The following TVP23B variants were observed in gnomAD, a reference collection of about 807,000 sequenced individuals.
The protein encoded by TVP23B is Golgi apparatus membrane protein TVP23 homolog B.
In TVP23B, 10 loss-of-function variants were observed where a neutral mutation model predicts 30.6. That is an observed-to-expected ratio of 0.33 (90% CI 0.20 to 0.55). TVP23B has a LOEUF of 0.55. TVP23B is among the 20% of genes least tolerant of loss of function. The pLI, the probability that TVP23B is intolerant of heterozygous loss-of-function variation, is 0.91. For missense variants in TVP23B, 153 were observed against 243.2 expected, an observed-to-expected ratio of 0.63 and a Z score of 2.47; for synonymous variants, 67 against 83.1, an observed-to-expected ratio of 0.81 and a Z score of 1.06.
chr17:18,795,734 C>G (rs1402623090), intron 3 of TVP23B: 3 of 152,176 alleles, frequency 2.0e-5, no homozygotes, highest in Non-Finnish European at 2.9e-5. Flanking sequence ...GTTTCACTTT[C>G]TGCGGTTTCA....
chr17:18,802,095 A>G (rs539695564), intron 5 of TVP23B, among the ~76,000 whole-genome samples: 168 of 152,096 alleles, frequency 1.1e-3, no homozygotes, highest in Middle Eastern at 3.4e-3. Flanking sequence ...GGTGGCAGGC[A>G]CCTGTAGTCC....
chr17:18,798,672 G>A (rs1436535206), intron 4 of TVP23B, 140 bp from the exon 5 acceptor site: 11 of 1,169,812 alleles, frequency 9.4e-6, no homozygotes, highest in Non-Finnish European at 1.3e-5. Flanking sequence ...TGATAGTCAT[G>A]TATTTTTGGG....
At chr17:18,800,121 G>T (rs2589683) in intron 5 of TVP23B, among the ~76,000 whole-genome samples, 32,665 of 151,284 alleles carry the variant, frequency 0.22, 4,023 homozygotes, top group East Asian at 0.55. Context: ...CTAGAGTTTT[G>T]CTTATTATAG....
intron 1 of TVP23B, among the ~76,000 whole-genome samples, chr17:18,784,111 C>A (rs894652313): frequency 1.3e-5 from 2 of 151,782 alleles, no homozygotes; most frequent in East Asian, 3.9e-4. Context: ...CGCCACTGCA[C>A]TCCAGCCTGG....
intron 2 of TVP23B, 121 bp downstream of exon 2, chr17:18,789,556 T>A: frequency 4.6e-6 from 6 of 1,314,764 alleles, no homozygotes; most frequent in Non-Finnish European, 6.3e-6. Context: ...TACTGCATGT[T>A]GCTAATTTGA....
intron 1 of TVP23B, among the ~76,000 whole-genome samples, chr17:18,788,606 ACC>A (rs1725022103): frequency 2.7e-5 from 4 of 150,892 alleles, no homozygotes; most frequent in African/African-American, 9.7e-5. Flanking sequence ...ACATGGTGAA[ACC>A]CCGTCTCAAC....
chr17:18,802,856 GC>G (rs2036190629), intron 5 of TVP23B, among the ~76,000 whole-genome samples: 1 of 152,030 alleles, frequency 6.6e-6, no homozygotes, highest in Non-Finnish European at 1.5e-5. Flanking sequence ...ACCCAGCAGT[GC>G]CCCATTTGAG....
chr17:18,798,809 T>C lies in TVP23B; in HGVS notation c.331-3T>C, dbSNP rs374524560. 1 of 1,600,744 alleles carries C rather than the reference T, an allele frequency of 6.2e-7. No homozygotes were observed. Among genetic ancestry groups the C allele is most frequent in the African/African-American group, 1.3e-5 (1 of 74,118 alleles). ...TGATAATTGAATTTATGTTCTTTTA[T>C]AGGAGTCCTCTCAAGAGAATAAAAC... On this transcript the variant is annotated splice_region_variant and splice_polypyrimidine_tract_variant and intron_variant, in intron 4 of 6. Coordinates refer to ENST00000307767, the MANE Select transcript of TVP23B (RefSeq NM_016078.6).
rs2151854096 is a variant in TVP23B at position 18,806,065 on chromosome 17, A to C, written c.*498A>C. ...AAGTTAGAAATAATTGTTAGTTTTT[A>C]ATATGCACTTCGTGGGGAAATTTCT... is the stretch of plus-strand genomic sequence containing the variant. On this transcript the variant is annotated 3_prime_UTR_variant, in exon 7 of 7. Transcript: ENST00000307767. 5.1e-6 allele frequency: 5 copies of C among 980,944 alleles called. No individual in the cohort carries two copies. Among genetic ancestry groups the C allele is most frequent in the Non-Finnish European group, 6.1e-6 (5 of 825,806 alleles). The allele number at this position is 980,944 out of a possible 1,614,324, so 60.8% of individuals were successfully genotyped here.
At chr17:18,790,613 AAG>A (rs1158611552) in intron 2 of TVP23B, among the ~76,000 whole-genome samples, 2 of 152,220 alleles carry the variant, frequency 1.3e-5, no homozygotes, top group Non-Finnish European at 2.9e-5. Context: ...TTATTTCTCC[AAG>A]AGAGATAAAA....
intron 1 of TVP23B, among the ~76,000 whole-genome samples, chr17:18,784,038 G>A (rs1486435830): frequency 1.3e-5 from 2 of 152,038 alleles, no homozygotes; most frequent in Admixed American, 6.5e-5. Context: ...CCAGCTACTC[G>A]GGAAGCTGAG....
intron 1 of TVP23B, among the ~76,000 whole-genome samples, chr17:18,786,159 T>C (rs1404123937): frequency 5.3e-5 from 8 of 152,220 alleles, no homozygotes; most frequent in Admixed American, 5.2e-4. Context: ...GTAAGGACCA[T>C]TGTGATCACG....
chr17:18,787,461 G>A (rs2035926056), intron 1 of TVP23B, among the ~76,000 whole-genome samples: 1 of 151,708 alleles, frequency 6.6e-6, no homozygotes, highest in African/African-American at 2.4e-5. Context: ...CTATATGGAG[G>A]TAGGAGCGGG....
At chr17:18,787,626 G>A (rs1203918659) in intron 1 of TVP23B, among the ~76,000 whole-genome samples, 1 of 152,152 alleles carries the variant, frequency 6.6e-6, no homozygotes, top group Non-Finnish European at 1.5e-5. Flanking sequence ...GGTGAGCAGG[G>A]CATGAGGAAG....
chr17:18,796,382 A>G (rs1275351511), intron 3 of TVP23B: 1 of 152,192 alleles, frequency 6.6e-6, no homozygotes, highest in Non-Finnish European at 1.5e-5. Context: ...CATCTCTACT[A>G]AAAATACAAA....
chr17:18,794,762 C>T (rs2036048732), intron 3 of TVP23B, among the ~76,000 whole-genome samples: 1 of 144,526 alleles, frequency 6.9e-6, no homozygotes, highest in South Asian at 2.2e-4. Context: ...GTTTAGGTCT[C>T]CCTTGCCAGC....
intron 5 of TVP23B, among the ~76,000 whole-genome samples, chr17:18,801,676 AC>A (rs1179953914): frequency 6.6e-6 from 1 of 151,084 alleles, no homozygotes; most frequent in Admixed American, 6.6e-5. Context: ...TGTTTGTAAG[AC>A]CTTAGAGCTT....
intron 1 of TVP23B, among the ~76,000 whole-genome samples, chr17:18,783,420 G>C (rs1451078975): frequency 2.0e-5 from 3 of 152,166 alleles, no homozygotes; most frequent in Non-Finnish European, 4.4e-5. Context: ...GTTCCCACTT[G>C]ATAAATTTGT....
At chr17:18,795,729 A>G (rs565154634) in intron 3 of TVP23B, 153 of 152,322 alleles carry the variant, frequency 1.0e-3, no homozygotes, top group African/African-American at 3.6e-3. Flanking sequence ...CTGAGGTTTC[A>G]CTTTCTGCGG....
Sources: gnomAD v4.1 joint callset for allele counts (sites outside exome capture counted in the v4.1 genomes callset) on GRCh38, gnomAD v4.1.1 for gene constraint, MANE v1.5 for transcripts, NCBI Gene and HGNC (gene_info 2026-07-23, HGNC 2026-07-21) for gene names.